The following SORCS1 variants were observed in gnomAD, a reference collection of about 807,000 sequenced individuals.
The protein encoded by SORCS1 is sortilin related VPS10 domain containing receptor 1.
A neutral mutation model predicts 146.1 loss-of-function variants in SORCS1; 60 were observed. The ratio of observed to expected loss-of-function variants is 0.41; its 90% CI spans 0.33 to 0.51. The LOEUF is 0.51. Among genes scored for constraint, SORCS1 ranks in the 20% least tolerant of loss-of-function variants. SORCS1 has a pLI of 0.21. For synonymous variants in SORCS1, 637 were observed against 584.0 expected (o/e 1.09, Z -1.31); for missense variants, 1,352 against 1,487.6 (o/e 0.91, Z 1.50).
chr10:107,033,448 T>C (rs1008534847), intron 1 of SORCS1, among the ~76,000 whole-genome samples: 2 of 152,182 alleles, frequency 1.3e-5, no homozygotes, highest in Non-Finnish European at 2.9e-5. Flanking sequence ...CTCACAGCTA[T>C]AAAAACACAA....
chr10:106,628,092 A>C (rs1377142088), intron 19 of SORCS1, among the ~76,000 whole-genome samples: 2 of 152,254 alleles, frequency 1.3e-5, no homozygotes, highest in South Asian at 2.1e-4. Flanking sequence ...TTGAGTTGGC[A>C]TACTGAGAAT....
intron 2 of SORCS1, 90 bp downstream of exon 2, chr10:106,956,423 C>A (rs914364059): frequency 2.8e-5 from 33 of 1,185,266 alleles, no homozygotes; most frequent in Non-Finnish European, 4.1e-5. Context: ...TCACCAGGAA[C>A]CTTCCTGCCA....
At chr10:107,127,296 T>C (rs755012553) in intron 1 of SORCS1, among the ~76,000 whole-genome samples, 50 of 152,054 alleles carry the variant, frequency 3.3e-4, no homozygotes, top group Non-Finnish European at 5.3e-4. Context: ...GCACTTCTGC[T>C]TGAATATAGC....
intron 3 of SORCS1, among the ~76,000 whole-genome samples, chr10:106,822,782 G>GTTTTTTGTTTT (rs1948107324): frequency 2.7e-5 from 3 of 113,166 alleles, no homozygotes; most frequent in African/African-American, 1.1e-4. Context: ...TTCATGTGTG[G>GTTTTTTGTTTT]TTTTTTTTTT....
At chr10:107,017,354 T>C (rs1957942220) in intron 1 of SORCS1, among the ~76,000 whole-genome samples, 1 of 152,140 alleles carries the variant, frequency 6.6e-6, no homozygotes, top group Non-Finnish European at 1.5e-5. Context: ...ATAACCAATA[T>C]AAATAAATCT....
At chr10:106,973,978 A>T (rs1299025194) in intron 1 of SORCS1, among the ~76,000 whole-genome samples, 1 of 152,184 alleles carries the variant, frequency 6.6e-6, no homozygotes, top group East Asian at 1.9e-4. Context: ...CAAAACAGGA[A>T]TTTGTTTGGA....
At chr10:107,056,261 T>C (rs906246956) in intron 1 of SORCS1, among the ~76,000 whole-genome samples, 1 of 152,180 alleles carries the variant, frequency 6.6e-6, no homozygotes, top group Non-Finnish European at 1.5e-5. Flanking sequence ...AGGGCAGGAC[T>C]CTAGAGATTC....
chr10:106,851,119 T>G (rs1589551254), intron 2 of SORCS1, among the ~76,000 whole-genome samples: 1 of 152,338 alleles, frequency 6.6e-6, no homozygotes, highest in South Asian at 2.1e-4. Flanking sequence ...CTTCATCAGA[T>G]AGGTCTTTTA....
At chr10:106,882,127 C>T (rs1950823991) in intron 2 of SORCS1, among the ~76,000 whole-genome samples, 1 of 152,194 alleles carries the variant, frequency 6.6e-6, no homozygotes, top group Non-Finnish European at 1.5e-5. Context: ...CCTGGTTCCA[C>T]CATTATGCTG....
At position 106,689,471 on chromosome 10, in the gene SORCS1, T is replaced by G. The variant is rs549197628; in HGVS notation, c.1414-1133A>C. On this transcript the variant is annotated intron_variant, in intron 9 of 25. Coordinates refer to ENST00000263054, the MANE Select transcript of SORCS1 (RefSeq NM_052918.5). ...AGGATGAGGAAATAGATACTTTGAC[T>G]TGGTGGCTTTCTGGAACACACCTAG... Among the ~76,000 whole-genome samples, 3 of 152,330 alleles carry G rather than the reference T, an allele frequency of 2.0e-5. No homozygotes were observed. In the South Asian group the frequency reaches 6.2e-4, roughly 32 times the overall value.
rs555643143 is a variant in SORCS1 at position 107,010,593 on chromosome 10, G to A, written c.559-54013C>T. Among the ~76,000 whole-genome samples, 30 of 152,242 alleles carry A rather than the reference G, an allele frequency of 2.0e-4. No homozygotes were observed. The South Asian group carries it at 6.0e-3, about 31-fold the overall frequency. On this transcript the variant is annotated intron_variant, in intron 1 of 25. Coordinates refer to ENST00000263054, the MANE Select transcript of SORCS1 (RefSeq NM_052918.5). ...TTTGTGACGTCAAGCTGCATCAGGC[G>A]TTTGCCTTATCCACAAAGCACAAAA...
At chr10:106,787,487 G>C (rs112852515) in intron 3 of SORCS1, among the ~76,000 whole-genome samples, 16 of 152,168 alleles carry the variant, frequency 1.1e-4, no homozygotes, top group African/African-American at 3.6e-4. Flanking sequence ...AATTGTATTT[G>C]CATCTGGCTG....
At position 106,730,001 on chromosome 10, in the gene SORCS1, C is replaced by A. The variant is rs774890778; in HGVS notation, c.1024+49G>T. 5 of 1,566,668 alleles carry A rather than the reference C, an allele frequency of 3.2e-6. No individual in the cohort carries two copies. The Admixed American group carries it at 8.3e-5, about 26-fold the overall frequency. ...ACACAGACTCAGTTCATGACAGAGT[C>A]ATAGAACTAATATTACTATGAGTAT... On this transcript the variant is annotated intron_variant, in intron 6 of 25. Coordinates refer to ENST00000263054, the MANE Select transcript of SORCS1 (RefSeq NM_052918.5).
intron 1 of SORCS1, among the ~76,000 whole-genome samples, chr10:107,159,712 A>G (rs1969561990): frequency 6.6e-6 from 1 of 152,194 alleles, no homozygotes; most frequent in Non-Finnish European, 1.5e-5. Context: ...TTTCAAACCC[A>G]TTGCCTTCCA....
chr10:106,762,060 T>C lies in SORCS1; in HGVS notation c.886-399A>G, dbSNP rs1258094348. 7.3e-5 allele frequency among the ~76,000 whole-genome samples: 11 copies of C among 151,254 alleles called. No individual in the cohort carries two copies. The East Asian group carries it at 2.1e-3, about 29-fold the overall frequency. ...GACCTGGTTCTGGAAGAGTACGCAA[T>C]GTAACCTGAACCTGGCTCACATAAT... On this transcript the variant is annotated intron_variant, in intron 4 of 25. Coordinates refer to ENST00000263054, the MANE Select transcript of SORCS1 (RefSeq NM_052918.5).
intron 2 of SORCS1, among the ~76,000 whole-genome samples, chr10:106,847,950 T>G (rs951522903): frequency 4.5e-4 from 68 of 150,882 alleles, no homozygotes; most frequent in Admixed American, 2.2e-3. Flanking sequence ...GTCTGAGAGA[T>G]AGTTTATTAT....
At chr10:107,035,644 T>C (rs1716107657) in intron 1 of SORCS1, among the ~76,000 whole-genome samples, 1 of 152,210 alleles carries the variant, frequency 6.6e-6, no homozygotes, top group African/African-American at 2.4e-5. Context: ...ACCTACAATT[T>C]GGGCTTTTCC....
chr10:106,856,027 CAT>C (rs1491516660), intron 2 of SORCS1, among the ~76,000 whole-genome samples: 1 of 127,846 alleles, frequency 7.8e-6, no homozygotes, highest in African/African-American at 3.1e-5. Context: ...GGAGACACAA[CAT>C]TTTTTTTTTT....
chr10:106,703,759 C>G (rs1854305392), intron 8 of SORCS1, among the ~76,000 whole-genome samples: 1 of 152,156 alleles, frequency 6.6e-6, no homozygotes, highest in South Asian at 2.1e-4. Context: ...ATATATGCAC[C>G]TTTGTTGCAG....
Sources: gnomAD v4.1 joint callset for allele counts (sites outside exome capture counted in the v4.1 genomes callset) on GRCh38, gnomAD v4.1.1 for gene constraint, MANE v1.5 for transcripts, NCBI Gene and HGNC (gene_info 2026-07-23, HGNC 2026-07-21) for gene names.